Variants in KLF12 observed in about 807,000 individuals in gnomAD.
The protein encoded by KLF12 is Krueppel-like factor 12.
A neutral mutation model predicts 37.8 loss-of-function variants in KLF12; 9 were observed. The observed-to-expected ratio is 0.24, with a 90% CI of 0.14 to 0.42. The LOEUF (loss-of-function observed/expected upper bound fraction) is 0.42. Among genes scored for constraint, KLF12 ranks in the 10% least tolerant of loss-of-function variants. The pLI, the probability that KLF12 is intolerant of heterozygous loss-of-function variation, is 1.00. For synonymous variants in KLF12, 208 were observed against 202.1 expected (o/e 1.03, Z -0.25); for missense variants, 411 against 516.0 (o/e 0.80, Z 1.97).
At chr13:73,713,208 G>C (rs1875537347) in intron 7 of KLF12, among the ~76,000 whole-genome samples, 1 of 152,182 alleles carries the variant, frequency 6.6e-6, no homozygotes, top group Non-Finnish European at 1.5e-5. Context: ...GAAAATTATA[G>C]CATTATCATT....
At chr13:73,994,850 T>TA in intron 2 of KLF12, 140 bp downstream of exon 2, 1 of 609,556 alleles carries the variant, frequency 1.6e-6, no homozygotes, top group Non-Finnish European at 2.9e-6. Flanking sequence ...AATTACATTT[T>TA]ACAGATAGAT....
At chr13:74,252,404 G>C in the KLF12 span, among the ~76,000 whole-genome samples, 1 of 152,170 alleles carries the variant, frequency 6.6e-6, no homozygotes, top group African/African-American at 2.4e-5. Context: ...GCTGTTCTCA[G>C]ATGCAGCCTT....
chr13:74,292,534 A>G, the KLF12 span, among the ~76,000 whole-genome samples: 2 of 148,844 alleles, frequency 1.3e-5, no homozygotes, highest in Non-Finnish European at 3.0e-5. Context: ...CTGTCTCCTT[A>G]CTGATCATTT....
At chr13:73,719,194 T>A (rs1041618411) in intron 6 of KLF12, among the ~76,000 whole-genome samples, 1 of 152,174 alleles carries the variant, frequency 6.6e-6, no homozygotes, top group African/African-American at 2.4e-5. Context: ...GAACCAGAAG[T>A]GCAGAAGAAC....
the KLF12 span, among the ~76,000 whole-genome samples, chr13:74,184,998 T>A: frequency 6.6e-6 from 1 of 152,186 alleles, no homozygotes; most frequent in South Asian, 2.1e-4. Flanking sequence ...ACACTTTACC[T>A]CATACAAATT....
chr13:74,083,238 C>T (rs989002748), intron 1 of KLF12, among the ~76,000 whole-genome samples: 3 of 152,162 alleles, frequency 2.0e-5, no homozygotes, highest in African/African-American at 4.8e-5. Context: ...TGAGGCCGGG[C>T]GCAGTGGCTC....
rs183102270 is a variant in KLF12, at chr13:74,102,487, T to C, written c.-32+31252A>G. ...CTGAGGCGAGCGGATCACCTGAGGG[T>C]AGGAGTTTGTGACCAGCCTGGCCAA... On this transcript the variant is annotated intron_variant, in intron 1 of 7. Coordinates refer to ENST00000377669, the MANE Select transcript of KLF12 (RefSeq NM_007249.5). Among the ~76,000 whole-genome samples the C allele has an allele frequency of 2.2e-4, 34 of 151,368 alleles. No individual in the cohort carries two copies. The East Asian group carries it at 6.5e-3, about 29-fold the overall frequency.
intron 3 of KLF12, among the ~76,000 whole-genome samples, chr13:73,877,332 T>A (rs1301096667): frequency 1.3e-5 from 2 of 152,226 alleles, no homozygotes; most frequent in Admixed American, 6.5e-5. Context: ...TGCCTTTTTT[T>A]AGTCATTATT....
the KLF12 span, among the ~76,000 whole-genome samples, chr13:74,197,452 A>G: frequency 2.6e-3 from 299 of 115,256 alleles, 1 homozygote; most frequent in Non-Finnish European, 3.7e-3. Context: ...GTTTACAAGC[A>G]TACACACTCA....
intron 3 of KLF12, among the ~76,000 whole-genome samples, chr13:73,850,173 C>T (rs1039922263): frequency 1.3e-5 from 2 of 152,150 alleles, no homozygotes; most frequent in Admixed American, 1.3e-4. Flanking sequence ...AAGGATTATG[C>T]TGTCACATTG....
chr13:73,967,164 T>A (rs932190159), intron 2 of KLF12, among the ~76,000 whole-genome samples: 8 of 152,202 alleles, frequency 5.3e-5, no homozygotes, highest in Admixed American at 6.5e-5. Context: ...TCTGTTTTCC[T>A]GGCCCATGAG....
At chr13:73,976,168 C>A (rs1891517495) in intron 2 of KLF12, among the ~76,000 whole-genome samples, 1 of 150,822 alleles carries the variant, frequency 6.6e-6, no homozygotes, top group African/African-American at 2.4e-5. Context: ...TTTTTCCCCC[C>A]ACAGCTGGCC....
intron 3 of KLF12, among the ~76,000 whole-genome samples, chr13:73,883,720 A>G (rs1594209612): frequency 1.3e-5 from 2 of 152,224 alleles, no homozygotes; most frequent in East Asian, 3.9e-4. Flanking sequence ...GCATGTACAT[A>G]GTTTAACTGT....
chr13:73,793,112 GC>G (rs1180876962), intron 5 of KLF12, among the ~76,000 whole-genome samples: 2 of 152,138 alleles, frequency 1.3e-5, no homozygotes, highest in Non-Finnish European at 2.9e-5. Context: ...AATAAAAAGA[GC>G]GATAACAGGA....
chr13:73,706,722 C>T (rs561207039), intron 7 of KLF12, among the ~76,000 whole-genome samples: 1 of 152,324 alleles, frequency 6.6e-6, no homozygotes, highest in South Asian at 2.1e-4. Context: ...ATAGAGCTCG[C>T]TCAGGGCTTT....
intron 6 of KLF12, among the ~76,000 whole-genome samples, chr13:73,762,336 C>G (rs1879618978): frequency 6.6e-6 from 1 of 152,150 alleles, no homozygotes; most frequent in Admixed American, 6.6e-5. Flanking sequence ...CAGATGCTGC[C>G]TCTCGTAACA....
At chr13:74,209,619 T>C in the KLF12 span, among the ~76,000 whole-genome samples, 3 of 152,104 alleles carry the variant, frequency 2.0e-5, no homozygotes, top group East Asian at 3.9e-4. Flanking sequence ...GGTCCACCTC[T>C]TACTAGCTGT....
intron 7 of KLF12, among the ~76,000 whole-genome samples, chr13:73,700,816 A>AT (rs1201776923): frequency 6.6e-6 from 1 of 152,162 alleles, no homozygotes; most frequent in Non-Finnish European, 1.5e-5. Flanking sequence ...GATACCAAAA[A>AT]TTTGAGTAGC....
intron 2 of KLF12, among the ~76,000 whole-genome samples, chr13:73,965,827 G>T (rs189419035): frequency 6.6e-6 from 1 of 152,122 alleles, no homozygotes; most frequent in South Asian, 2.1e-4. Flanking sequence ...TTCAAGCTAC[G>T]AAATGACAAT....
Sources: allele counts gnomAD v4.1 joint callset (sites outside exome capture counted in the v4.1 genomes callset), GRCh38; gene constraint gnomAD v4.1.1; transcripts MANE v1.5; gene names NCBI Gene and HGNC (gene_info 2026-07-23, HGNC 2026-07-21).